CTDSPL2: variants seen among roughly 807,000 people sequenced by gnomAD.
CTDSPL2 encodes the protein CTD small phosphatase like 2, also known as CTD small phosphatase-like protein 2.
In CTDSPL2, 5 loss-of-function variants were observed where a neutral mutation model predicts 60.0. That is an observed-to-expected ratio of 0.08 (90% CI 0.04 to 0.18). The LOEUF (loss-of-function observed/expected upper bound fraction) is 0.18, where lower values mean the gene tolerates loss of function less well. Ranked by LOEUF, CTDSPL2 falls within the 10% of genes least tolerant of loss-of-function variation. CTDSPL2 has a pLI of 1.00. For missense variants in CTDSPL2, 370 were observed against 548.8 expected, an observed-to-expected ratio of 0.67 and a Z score of 3.26; for synonymous variants, 186 against 189.3, an observed-to-expected ratio of 0.98 and a Z score of 0.14.
intron 1 of CTDSPL2, among the ~76,000 whole-genome samples, chr15:44,436,227 C>T (rs547522479): frequency 9.4e-4 from 143 of 152,234 alleles, no homozygotes; most frequent in African/African-American, 3.3e-3. Context: ...AGTAATCATA[C>T]CATTTGTAAG....
chr15:44,473,168 A>G (rs1311656028), intron 2 of CTDSPL2, among the ~76,000 whole-genome samples: 1 of 152,062 alleles, frequency 6.6e-6, no homozygotes, highest in African/African-American at 2.4e-5. Context: ...TATGCTGTGG[A>G]CCCTTTCTGA....
intron 7 of CTDSPL2, among the ~76,000 whole-genome samples, chr15:44,498,513 G>A (rs550946401): frequency 6.6e-6 from 1 of 152,296 alleles, no homozygotes; most frequent in African/African-American, 2.4e-5. Context: ...TTGAGGCCAG[G>A]AGTTTGAGGC....
chr15:44,458,850 T>C, intron 1 of CTDSPL2, 141 bp from the exon 2 acceptor site: 1 of 427,542 alleles, frequency 2.3e-6, no homozygotes, highest in Non-Finnish European at 4.0e-6. Context: ...TGTTGGTTTC[T>C]TACTGCAGTC....
intron 11 of CTDSPL2, chr15:44,520,190 C>A (rs1448696085): frequency 1.3e-5 from 2 of 151,070 alleles, no homozygotes; most frequent in African/African-American, 4.9e-5. Flanking sequence ...TGCTCGTCGC[C>A]CAGGCTGGAG....
chr15:44,523,079 C>T (rs1437872103), intron 12 of CTDSPL2, among the ~76,000 whole-genome samples: 1 of 152,034 alleles, frequency 6.6e-6, no homozygotes. Context: ...TCACTGCAGC[C>T]TCCGCCTCCC....
intron 1 of CTDSPL2, among the ~76,000 whole-genome samples, chr15:44,431,716 G>GTTTTTTTTT (rs886785067): frequency 7.5e-6 from 1 of 133,626 alleles, no homozygotes; most frequent in South Asian, 2.3e-4. Flanking sequence ...TTGTTTGTTT[G>GTTTTTTTTT]TTTTTTTTTT....
intron 5 of CTDSPL2, among the ~76,000 whole-genome samples, chr15:44,494,778 T>C (rs2081270031): frequency 6.6e-6 from 1 of 151,442 alleles, no homozygotes; most frequent in South Asian, 2.1e-4. Context: ...TAGCCGGGCG[T>C]GGTAGCAGGT....
intron 8 of CTDSPL2, among the ~76,000 whole-genome samples, chr15:44,506,842 C>T (rs372048523): frequency 5.9e-5 from 9 of 152,070 alleles, no homozygotes; most frequent in East Asian, 5.8e-4. Flanking sequence ...TCTTGGCTCA[C>T]TGCCAGCTCC....
intron 1 of CTDSPL2, chr15:44,448,056 C>T: frequency 4.1e-6 from 1 of 243,788 alleles, no homozygotes; most frequent in East Asian, 1.2e-4. Flanking sequence ...CACCTATGTG[C>T]TCCAGGCCAG....
At chr15:44,427,813 C>T (rs116908763) in intron 1 of CTDSPL2, 41 bp downstream of exon 1, 9,812 of 397,998 alleles carry the variant, frequency 0.025, 159 homozygotes, top group Middle Eastern at 0.058. Flanking sequence ...CTTCCAATCT[C>T]AGTCCTCCTC....
At chr15:44,432,089 C>T (rs10518985) in intron 1 of CTDSPL2, among the ~76,000 whole-genome samples, 15,297 of 151,810 alleles carry the variant, frequency 0.1, 1,007 homozygotes, top group Middle Eastern at 0.17. Context: ...AGCATTGTCT[C>T]GGAAAGATGA....
chr15:44,444,115 G>A (rs1459007280), intron 1 of CTDSPL2, among the ~76,000 whole-genome samples: 1 of 151,948 alleles, frequency 6.6e-6, no homozygotes, highest in Non-Finnish European at 1.5e-5. Flanking sequence ...TTGTTGCTCA[G>A]ACTGGTCAAA....
chr15:44,512,086 A>G (rs970496870), intron 8 of CTDSPL2, among the ~76,000 whole-genome samples: 6 of 151,748 alleles, frequency 4.0e-5, no homozygotes, highest in African/African-American at 1.5e-4. Context: ...CATCCCAGCT[A>G]TGTGGAAGGC....
chr15:44,487,013 C>T (rs2081133294), intron 4 of CTDSPL2, among the ~76,000 whole-genome samples: 1 of 152,076 alleles, frequency 6.6e-6, no homozygotes, highest in African/African-American at 2.4e-5. Context: ...AGTGATCCGC[C>T]CACCTCGGAT....
At chr15:44,468,089 C>T (rs1052545562) in intron 2 of CTDSPL2, among the ~76,000 whole-genome samples, 2 of 152,210 alleles carry the variant, frequency 1.3e-5, no homozygotes, top group South Asian at 2.1e-4. Flanking sequence ...TGTTCCTCCT[C>T]TTCTGAAAGA....
At chr15:44,512,763 G>A (rs2081587081) in intron 8 of CTDSPL2, among the ~76,000 whole-genome samples, 1 of 152,172 alleles carries the variant, frequency 6.6e-6, no homozygotes, top group South Asian at 2.1e-4. Flanking sequence ...GCTTTGAGGA[G>A]GGGTATGTGG....
intron 12 of CTDSPL2, among the ~76,000 whole-genome samples, chr15:44,523,463 G>A (rs1337025046): frequency 6.6e-6 from 1 of 151,814 alleles, no homozygotes; most frequent in African/African-American, 2.4e-5. Context: ...CAAGCTTGCT[G>A]GGCATTGTGG....
At chr15:44,457,676 A>ATC (rs1371040873) in intron 1 of CTDSPL2, among the ~76,000 whole-genome samples, 5 of 151,932 alleles carry the variant, frequency 3.3e-5, no homozygotes, top group African/African-American at 1.2e-4. Flanking sequence ...CTATAGTGTG[A>ATC]TCTCTCCTCA....
intron 2 of CTDSPL2, among the ~76,000 whole-genome samples, chr15:44,460,501 A>C (rs1658721981): frequency 6.6e-6 from 1 of 152,162 alleles, no homozygotes; most frequent in African/African-American, 2.4e-5. Context: ...TGTTCTTAGA[A>C]TAATTATTTA....
Sources: gnomAD v4.1 joint callset for allele counts (sites outside exome capture counted in the v4.1 genomes callset) on GRCh38, gnomAD v4.1.1 for gene constraint, MANE v1.5 for transcripts, NCBI Gene and HGNC (gene_info 2026-07-23, HGNC 2026-07-21) for gene names.